The following BACE2 variants were observed in gnomAD, a reference collection of about 807,000 sequenced individuals.
BACE2 encodes the protein 56 kDa aspartic-like protease.
Under a neutral mutation model 46.2 loss-of-function variants are expected in BACE2, and 17 were observed. The observed-to-expected ratio is 0.37, with a 90% CI of 0.25 to 0.55. The LOEUF (loss-of-function observed/expected upper bound fraction) is 0.55. BACE2 is among the 20% of genes least tolerant of loss of function. The pLI is 0.82. For synonymous variants in BACE2, 277 were observed against 295.9 expected (o/e 0.94, Z 0.66); for missense variants, 595 against 698.1 (o/e 0.85, Z 1.66).
chr21:41,268,837 CAT>C (rs1357413365), intron 8 of BACE2, among the ~76,000 whole-genome samples: 1 of 152,068 alleles, frequency 6.6e-6, no homozygotes, highest in East Asian at 1.9e-4. Flanking sequence ...ACACACAGCA[CAT>C]ATGAAAAAAT....
At chr21:41,231,770 G>A (rs553166785) in intron 2 of BACE2, among the ~76,000 whole-genome samples, 2 of 152,048 alleles carry the variant, frequency 1.3e-5, no homozygotes, top group East Asian at 3.9e-4. Flanking sequence ...CATTGCCAAG[G>A]AGAAGCCCAT....
chr21:41,264,577 G>A (rs556219426), intron 8 of BACE2, among the ~76,000 whole-genome samples: 2 of 152,210 alleles, frequency 1.3e-5, no homozygotes, highest in South Asian at 4.2e-4. Context: ...GTCTTCACGT[G>A]GCCAGAGCAA....
intron 8 of BACE2, among the ~76,000 whole-genome samples, chr21:41,261,384 T>C (rs981793504): frequency 1.3e-5 from 2 of 152,192 alleles, no homozygotes; most frequent in African/African-American, 4.8e-5. Flanking sequence ...GTTTTTGGGA[T>C]GTTTGAGCTT....
At chr21:41,216,044 C>T (rs542774570) in intron 1 of BACE2, among the ~76,000 whole-genome samples, 5 of 151,942 alleles carry the variant, frequency 3.3e-5, no homozygotes, top group African/African-American at 9.7e-5. Context: ...AGCCCACAGC[C>T]GGGGTGTTTG....
chr21:41,273,429 C>A (rs2088453836), intron 8 of BACE2, among the ~76,000 whole-genome samples: 1 of 152,136 alleles, frequency 6.6e-6, no homozygotes, highest in African/African-American at 2.4e-5. Context: ...AGGGACCTAC[C>A]CCTAGGAACA....
At chr21:41,199,846 C>T (rs1188241622) in intron 1 of BACE2, among the ~76,000 whole-genome samples, 1 of 152,124 alleles carries the variant, frequency 6.6e-6, no homozygotes, top group African/African-American at 2.4e-5. Flanking sequence ...CCGCTCACAC[C>T]TCCAAAAATA....
Position 41,168,323 on chromosome 21 carries a change from C to A in BACE2, c.60C>A (p.Ala20=), listed in dbSNP as rs1984455109. 1 of 1,340,308 alleles carries A rather than the reference C, an allele frequency of 7.5e-7. No homozygotes were observed. The highest frequency in any genetic ancestry group is 1.5e-5 in the African/African-American group (1 of 65,106). 83.0% of individuals were successfully genotyped at this position (1,340,308 alleles called of 1,614,324 possible). The change falls in exon 1 of 9, where the codon GCC becomes GCA. Residue 20 remains alanine, a synonymous_variant. Coordinates refer to ENST00000330333, the MANE Select transcript of BACE2 (RefSeq NM_012105.5). ...LPLLAQWLLR[A]APELAPAPFT... is the part of the protein sequence containing the mutation. ...TGCTGGCCCAGTGGCTCCTGCGCGC[C>A]GCCCCGGAGCTGGCCCCCGCGCCCT...
intron 1 of BACE2, among the ~76,000 whole-genome samples, chr21:41,220,814 G>A (rs1463586432): frequency 6.6e-6 from 1 of 151,766 alleles, no homozygotes; most frequent in East Asian, 1.9e-4. Context: ...TCTAGGAGCT[G>A]TGTATTTGTA....
At position 41,168,221 on chromosome 21, in the gene BACE2, G is replaced by A; in HGVS notation, c.-43G>A. 9.2e-7 allele frequency: 1 copy of A among 1,089,050 alleles called. No homozygotes were observed. Among genetic ancestry groups the A allele is most frequent in the Non-Finnish European group, 1.1e-6 (1 of 890,974 alleles). 67.5% of individuals were successfully genotyped at this position (1,089,050 alleles called of 1,614,324 possible). On this transcript the variant is annotated 5_prime_UTR_variant, in exon 1 of 9. Transcript: ENST00000330333. ...TGAGCCGCGGCTGCCGGACGGGACG[G>A]GACCGGCTAGGCTGGGCGCGCCCCC...
At chr21:41,204,967 A>G (rs899955625) in intron 1 of BACE2, among the ~76,000 whole-genome samples, 1 of 152,240 alleles carries the variant, frequency 6.6e-6, no homozygotes, top group Non-Finnish European at 1.5e-5. Flanking sequence ...TACCATGGAA[A>G]AAAACATCAA....
intron 2 of BACE2, among the ~76,000 whole-genome samples, chr21:41,229,888 A>G (rs1399382752): frequency 6.6e-6 from 1 of 152,236 alleles, no homozygotes; most frequent in African/African-American, 2.4e-5. Context: ...TAATCTCACA[A>G]GATAATTCAG....
rs1440647013 is a variant in BACE2, at chr21:41,280,813, T to G, written c.*5189T>G. 10 of 152,274 alleles carry G rather than the reference T, an allele frequency of 6.6e-5. No homozygotes were observed. The allele number at this position is 152,274 out of a possible 1,614,324, so 9.4% of individuals were successfully genotyped here. On this transcript the variant is annotated 3_prime_UTR_variant, in exon 9 of 9. Coordinates refer to ENST00000330333, the MANE Select transcript of BACE2 (RefSeq NM_012105.5). ...CCCTGAGCTTCCTCTGGGTTTCTTA[T>G]CAGCAGCTATTACACACAGATGTCC...
At chr21:41,209,728 G>C (rs1453271238) in intron 1 of BACE2, among the ~76,000 whole-genome samples, 1 of 152,092 alleles carries the variant, frequency 6.6e-6, no homozygotes, top group Non-Finnish European at 1.5e-5. Context: ...GGTTGAGCTG[G>C]GGTTAGAATC....
chr21:41,223,240 C>A (rs1986710528), intron 1 of BACE2, among the ~76,000 whole-genome samples: 1 of 151,844 alleles, frequency 6.6e-6, no homozygotes, highest in Non-Finnish European at 1.5e-5. Flanking sequence ...CCTGTGGTCC[C>A]AGCTACTTTG....
intron 1 of BACE2, chr21:41,184,556 G>T (rs1458244988): frequency 6.0e-6 from 1 of 167,120 alleles, no homozygotes; most frequent in Non-Finnish European, 1.5e-5. Context: ...GTGGACACAG[G>T]CTTGACCTTA....
chr21:41,222,375 G>C (rs1986684851), intron 1 of BACE2, among the ~76,000 whole-genome samples: 1 of 152,208 alleles, frequency 6.6e-6, no homozygotes, highest in African/African-American at 2.4e-5. Flanking sequence ...CGTGGAGAAG[G>C]TGGCGTTGAA....
rs990224022 is a variant in BACE2, at chr21:41,275,478, G to A, written c.1411G>A (p.Val471Met). Residue 471 changes from valine to methionine, a missense_variant, in exon 9 of 9, where the codon GTG becomes ATG. Around this residue, in one of 3 missense-constraint regions of BACE2, gnomAD observed 343 missense variants for 419.4 expected, o/e 0.82. Transcript: ENST00000330333. ...QSLSEPILWI[V>M]SYALMSVCGA... ...TTTGAGCGAGCCCATTTTGTGGATT[G>A]TGTCCTATGCGCTCATGAGCGTCTG... The A allele has an allele frequency of 6.2e-7, 1 of 1,614,138 alleles. No individual in the cohort carries two copies. The highest frequency in any genetic ancestry group is 1.3e-5 in the African/African-American group (1 of 75,024).
intron 1 of BACE2, among the ~76,000 whole-genome samples, chr21:41,200,208 A>C (rs1012987008): frequency 1.9e-4 from 29 of 150,784 alleles, no homozygotes; most frequent in Non-Finnish European, 3.7e-4. Context: ...AAAACAAAAA[A>C]AAAACCCAAA....
At chr21:41,191,174 T>C (rs1275220627) in intron 1 of BACE2, among the ~76,000 whole-genome samples, 1 of 152,206 alleles carries the variant, frequency 6.6e-6, no homozygotes, top group East Asian at 1.9e-4. Flanking sequence ...TACACGGCCT[T>C]CTGGAGAACT....
Sources: allele counts gnomAD v4.1 joint callset (sites outside exome capture counted in the v4.1 genomes callset), GRCh38; gene constraint gnomAD v4.1.1; regional missense constraint gnomAD v4.1.1; transcripts MANE v1.5; gene names NCBI Gene and HGNC (gene_info 2026-07-23, HGNC 2026-07-21).